Variants in MBD5 observed in about 807,000 individuals in gnomAD.
The protein encoded by MBD5 is methyl-CpG binding domain protein 5.
In MBD5, 13 loss-of-function variants were observed where a neutral mutation model predicts 117.3. The ratio of observed to expected loss-of-function variants is 0.11; its 90% CI spans 0.07 to 0.18. MBD5 has a LOEUF of 0.18. Ranked by LOEUF, MBD5 falls within the 10% of genes least tolerant of loss-of-function variation. The pLI is 1.00. For missense variants in MBD5, 1,879 were observed against 2,093.8 expected (o/e 0.90, Z 2.00); for synonymous variants, 727 against 766.4 (o/e 0.95, Z 0.85).
chr2:148,157,294 C>A (rs1395921319), intron 1 of MBD5, among the ~76,000 whole-genome samples: 3 of 151,972 alleles, frequency 2.0e-5, no homozygotes, highest in Non-Finnish European at 4.4e-5. Flanking sequence ...CCTAGCCCCC[C>A]ACCCCCAAAC....
Position 148,275,678 on chromosome 2 carries a change from G to A in MBD5, c.-680+42283G>A, listed in dbSNP as rs189935910. On this transcript the variant is annotated intron_variant, in intron 3 of 13. Transcript: ENST00000642680. ...ATCACATCTAAAAATTACCTTCACA[G>A]CAACATTTAGACTGGTGTTTGAGCA... Among the ~76,000 whole-genome samples the A allele has an allele frequency of 7.9e-5, 12 of 152,124 alleles. 1 individual carries two copies. Among genetic ancestry groups the A allele is most frequent in the Admixed American group, 6.5e-4 (10 of 15,276 alleles).
At chr2:148,089,896 TA>T (rs1303378484) in intron 1 of MBD5, among the ~76,000 whole-genome samples, 5 of 151,576 alleles carry the variant, frequency 3.3e-5, no homozygotes, top group Non-Finnish European at 5.9e-5. Flanking sequence ...GAAAATGAAA[TA>T]AAAAGCCAGT....
rs184766415 is a variant in MBD5, at chr2:148,174,012, G to A, written c.-924-4688G>A. Among the ~76,000 whole-genome samples the A allele has an allele frequency of 7.0e-4, 106 of 152,146 alleles. 1 individual carries two copies. The East Asian group carries it at 0.017, about 24-fold the overall frequency. Reference sequence around the variant, plus strand: ...ATCATGAGCAAAAAAATCAAAGCTGGAGGCATCACACTACCTGAATTCAAA... The same window carrying A: ...ATCATGAGCAAAAAAATCAAAGCTGAAGGCATCACACTACCTGAATTCAAA... On this transcript the variant is annotated intron_variant, in intron 1 of 13. Coordinates refer to ENST00000642680, the MANE Select transcript of MBD5 (RefSeq NM_001378120.1).
chr2:148,345,419 A>G (rs138975434), intron 4 of MBD5, among the ~76,000 whole-genome samples: 2 of 131,186 alleles, frequency 1.5e-5, no homozygotes, highest in Admixed American at 7.3e-5. Flanking sequence ...ATACATATAC[A>G]TATATACACA....
rs1166259938 is a variant in MBD5 at position 148,516,108 on chromosome 2, G to A, written c.*3167G>A. The A allele has an allele frequency of 6.6e-6, 1 of 152,156 alleles. No homozygotes were observed. 9.4% of individuals were successfully genotyped at this position (152,156 alleles called of 1,614,324 possible). A position where few individuals can be genotyped will look rare whatever the true frequency, so the allele number is the denominator to read the frequency against. On this transcript the variant is annotated 3_prime_UTR_variant, in exon 14 of 14. Transcript: ENST00000642680. ...TTGAACGTAACACTGCAGAATTGCA[G>A]GAAGAGAAAAGGGCAGTTAGTTATT...
intron 4 of MBD5, among the ~76,000 whole-genome samples, chr2:148,383,629 C>T (rs578000692): frequency 1.3e-3 from 182 of 140,024 alleles, no homozygotes; most frequent in Admixed American, 2.7e-3. Context: ...ATCCTGATAC[C>T]AAAGCCTGGC....
At position 148,513,805 on chromosome 2, in the gene MBD5, T is replaced by C. The variant is rs1050649081; in HGVS notation, c.*864T>C. The C allele has an allele frequency of 7.9e-5, 12 of 152,228 alleles. No homozygotes were observed. The highest frequency in any genetic ancestry group is 2.7e-4 in the African/African-American group (11 of 41,458). 9.4% of individuals were successfully genotyped at this position (152,228 alleles called of 1,614,324 possible). A position where few individuals can be genotyped will look rare whatever the true frequency, so the allele number is the denominator to read the frequency against. On this transcript the variant is annotated 3_prime_UTR_variant, in exon 14 of 14. Coordinates refer to ENST00000642680, the MANE Select transcript of MBD5 (RefSeq NM_001378120.1). ...ACTCAGCCATTTCTGTAGTTAACAT[T>C]TGATAGCCACCTGTTGAAGCAGATA...
chr2:148,090,400 A>G (rs946096490), intron 1 of MBD5, among the ~76,000 whole-genome samples: 5 of 152,020 alleles, frequency 3.3e-5, no homozygotes, highest in African/African-American at 9.7e-5. Context: ...AAAGAAAACC[A>G]TAGGCCAATA....
At chr2:148,111,468 A>G (rs557550157) in intron 1 of MBD5, among the ~76,000 whole-genome samples, 1 of 152,314 alleles carries the variant, frequency 6.6e-6, no homozygotes, top group Admixed American at 6.5e-5. Context: ...TGAAAGGAGA[A>G]TGAGAGTGAA....
intron 1 of MBD5, among the ~76,000 whole-genome samples, chr2:148,093,286 G>T (rs972548432): frequency 6.6e-6 from 1 of 152,128 alleles, no homozygotes; most frequent in Non-Finnish European, 1.5e-5. Flanking sequence ...CTCATAGGAG[G>T]CTATGCACTA....
chr2:148,099,801 T>G (rs1696159502), intron 1 of MBD5, among the ~76,000 whole-genome samples: 1 of 152,216 alleles, frequency 6.6e-6, no homozygotes, highest in African/African-American at 2.4e-5. Context: ...TCTGAATATC[T>G]ACTTCCTCCA....
chr2:148,414,039 G>A (rs943665166), intron 4 of MBD5, among the ~76,000 whole-genome samples: 12 of 151,664 alleles, frequency 7.9e-5, no homozygotes, highest in Admixed American at 6.6e-5. Flanking sequence ...TGTTTTTCTA[G>A]TTCTTCTAAG....
intron 1 of MBD5, among the ~76,000 whole-genome samples, chr2:148,100,694 T>G (rs1222535392): frequency 6.6e-6 from 1 of 152,240 alleles, no homozygotes; most frequent in African/African-American, 2.4e-5. Context: ...AGTTTATGCT[T>G]CTTCATAACA....
At chr2:148,146,270 G>C (rs375562124) in intron 1 of MBD5, among the ~76,000 whole-genome samples, 1 of 150,318 alleles carries the variant, frequency 6.7e-6, no homozygotes. Context: ...CATTTGTTTT[G>C]TTTTTTTGAG....
At chr2:148,400,468 G>C (rs1704884690) in intron 4 of MBD5, among the ~76,000 whole-genome samples, 1 of 152,130 alleles carries the variant, frequency 6.6e-6, no homozygotes, top group Non-Finnish European at 1.5e-5. Context: ...ATCAGAAACT[G>C]GTTATAATGA....
chr2:148,221,154 A>G (rs544069423), intron 2 of MBD5, among the ~76,000 whole-genome samples: 1 of 152,128 alleles, frequency 6.6e-6, no homozygotes, highest in East Asian at 1.9e-4. Context: ...TGTCAGTACC[A>G]CACTTTCTTA....
At chr2:148,301,235 T>C (rs1272872984) in intron 3 of MBD5, among the ~76,000 whole-genome samples, 1 of 152,178 alleles carries the variant, frequency 6.6e-6, no homozygotes, top group Non-Finnish European at 1.5e-5. Flanking sequence ...AGCAGTAGCC[T>C]GTGTAGCTGG....
chr2:148,252,037 A>G (rs943783225), intron 3 of MBD5, among the ~76,000 whole-genome samples: 4 of 152,182 alleles, frequency 2.6e-5, no homozygotes, highest in Admixed American at 2.0e-4. Flanking sequence ...GTGTAGAGGC[A>G]TTGTTGGCTG....
At chr2:148,318,921 G>A (rs1702221170) in intron 3 of MBD5, among the ~76,000 whole-genome samples, 1 of 152,034 alleles carries the variant, frequency 6.6e-6, no homozygotes, top group Admixed American at 6.6e-5. Context: ...TCACTGTGTT[G>A]GCCAGGGTAG....
Sources: allele counts gnomAD v4.1 joint callset (sites outside exome capture counted in the v4.1 genomes callset), GRCh38; gene constraint gnomAD v4.1.1; transcripts MANE v1.5; gene names NCBI Gene and HGNC (gene_info 2026-07-23, HGNC 2026-07-21).